CCDC68: variants seen among roughly 807,000 people sequenced by gnomAD.
The protein encoded by CCDC68 is coiled-coil domain containing 68, also known as coiled-coil domain-containing protein 68.
Under a neutral mutation model 47.1 loss-of-function variants are expected in CCDC68, and 45 were observed. That is an observed-to-expected ratio of 0.96 (90% CI 0.75 to 1.23). The LOEUF (loss-of-function observed/expected upper bound fraction) is 1.23, where lower values mean the gene tolerates loss of function less well. Ranked by LOEUF, CCDC68 falls within the 50% of genes most tolerant of loss-of-function variation. CCDC68 has a pLI of 0.00. For synonymous variants in CCDC68, 131 were observed against 129.5 expected (o/e 1.01, Z -0.08); for missense variants, 353 against 373.6 (o/e 0.94, Z 0.45).
chr18:54,932,344 C>A (rs11661608), intron 7 of CCDC68, among the ~76,000 whole-genome samples: 24 of 151,798 alleles, frequency 1.6e-4, no homozygotes, highest in Middle Eastern at 3.4e-3. Context: ...GCTACCATGC[C>A]CAGCTAATTT....
intron 7 of CCDC68, among the ~76,000 whole-genome samples, chr18:54,929,696 G>A (rs1045550491): frequency 1.3e-5 from 2 of 152,156 alleles, no homozygotes; most frequent in African/African-American, 2.4e-5. Flanking sequence ...GAGGCGTGCC[G>A]AAACCATAAT....
At chr18:54,957,352 C>T (rs559424530) in intron 1 of CCDC68, among the ~76,000 whole-genome samples, 1 of 152,182 alleles carries the variant, frequency 6.6e-6, no homozygotes, top group Admixed American at 6.5e-5. Flanking sequence ...TAGTCACTGT[C>T]GAAATTGAAT....
intron 7 of CCDC68, among the ~76,000 whole-genome samples, chr18:54,932,051 G>A (rs1019731630): frequency 1.3e-5 from 2 of 151,836 alleles, no homozygotes; most frequent in Non-Finnish European, 2.9e-5. Flanking sequence ...TCTGGCTTGC[G>A]CTCCCCACCT....
At chr18:54,957,201 C>T (rs2044726065) in intron 1 of CCDC68, among the ~76,000 whole-genome samples, 1 of 152,188 alleles carries the variant, frequency 6.6e-6, no homozygotes, top group South Asian at 2.1e-4. Context: ...AAGCCTGGAA[C>T]ACATGATTCC....
At chr18:54,938,748 G>A (rs76965136) in intron 4 of CCDC68, among the ~76,000 whole-genome samples, 3,261 of 152,368 alleles carry the variant, frequency 0.021, 123 homozygotes, top group African/African-American at 0.073. Flanking sequence ...TGCAGCAAGT[G>A]AGCGGGAGAC....
intron 1 of CCDC68, among the ~76,000 whole-genome samples, chr18:54,955,181 C>T (rs1018570161): frequency 6.6e-6 from 1 of 152,062 alleles, no homozygotes; most frequent in Admixed American, 6.5e-5. Flanking sequence ...ATTAGCTAGG[C>T]ATGGTGCCAC....
intron 8 of CCDC68, among the ~76,000 whole-genome samples, chr18:54,921,553 T>C (rs910668856): frequency 6.6e-6 from 1 of 152,050 alleles, no homozygotes; most frequent in Admixed American, 6.6e-5. Context: ...GCCTACAACA[T>C]TGGTGAGGGG....
intron 7 of CCDC68, among the ~76,000 whole-genome samples, chr18:54,934,503 CT>C (rs2044311314): frequency 6.6e-6 from 1 of 152,132 alleles, no homozygotes; most frequent in Admixed American, 6.5e-5. Flanking sequence ...ACTTTGTGAT[CT>C]TTTCCATTAT....
At position 54,914,483 on chromosome 18, in the gene CCDC68, C is replaced by A. The variant is rs115319381; in HGVS notation, c.873+3430G>T. Among the ~76,000 whole-genome samples the A allele has an allele frequency of 3.2e-4, 48 of 151,884 alleles. No homozygotes were observed. The South Asian group carries it at 8.8e-3, about 28-fold the overall frequency. On this transcript the variant is annotated intron_variant, in intron 10 of 11. Coordinates refer to ENST00000591504, the MANE Select transcript of CCDC68 (RefSeq NM_025214.3). ...AAATACAAAAATTAGTCAGGTGTGG[C>A]GGTGGGCACTTGTAATCCCATCTAT...
chr18:54,908,780 C>T (rs957005929), intron 10 of CCDC68, among the ~76,000 whole-genome samples: 8 of 152,044 alleles, frequency 5.3e-5, no homozygotes, highest in African/African-American at 9.7e-5. Flanking sequence ...TACAGTATCT[C>T]GGCTCACTTC....
At chr18:54,944,410 G>T (rs535408120) in intron 2 of CCDC68, among the ~76,000 whole-genome samples, 1 of 152,056 alleles carries the variant, frequency 6.6e-6, no homozygotes. Flanking sequence ...GAGATATCTG[G>T]TCATATCAGC....
intron 11 of CCDC68, among the ~76,000 whole-genome samples, chr18:54,905,409 A>AGAAGGAAGGGAGGAAGGAAGGAAGGAAG (rs1913938367): frequency 9.3e-6 from 1 of 107,722 alleles, no homozygotes; most frequent in African/African-American, 3.9e-5. Context: ...AAGGAAGGGA[A>AGAAGGAAGGGAGGAAGGAAGGAAGGAAG]GAAGGAAGGA....
chr18:54,927,382 T>G (rs2044164133), intron 8 of CCDC68, among the ~76,000 whole-genome samples: 1 of 152,136 alleles, frequency 6.6e-6, no homozygotes, highest in Non-Finnish European at 1.5e-5. Flanking sequence ...ATCAGGTTGG[T>G]TTTTAAAACA....
chr18:54,904,385 A>G lies in CCDC68; in HGVS notation c.981T>C (p.Tyr327=), dbSNP rs1913860271. The change falls in exon 12 of 12, where the codon TAT becomes TAC. Residue 327 remains tyrosine (Y), a synonymous_variant. Coordinates refer to ENST00000591504, the MANE Select transcript of CCDC68 (RefSeq NM_025214.3). ...SELKTEGVSP[Y]LMLIRLRK ...ATTTCCGTAACCTAATCAACATTAAATAAGGGGAAACACCTTCGGTCTTCA... is the reference window on the plus strand; with the variant it reads ...ATTTCCGTAACCTAATCAACATTAAGTAAGGGGAAACACCTTCGGTCTTCA... 2 of 1,613,708 alleles carry G rather than the reference A, an allele frequency of 1.2e-6. No homozygotes were observed. Among genetic ancestry groups the G allele is most frequent in the South Asian group, 2.2e-5 (2 of 91,064 alleles).
chr18:54,950,987 C>A (rs1356160657), intron 1 of CCDC68, among the ~76,000 whole-genome samples: 1 of 132,484 alleles, frequency 7.5e-6, no homozygotes, highest in African/African-American at 2.8e-5. Flanking sequence ...CGGCTCACTG[C>A]AAGCTCCGCC....
rs184904070 is a variant in CCDC68 at position 54,948,694 on chromosome 18, G to A, written c.-102-3217C>T. 2.9e-4 allele frequency among the ~76,000 whole-genome samples: 44 copies of A among 152,310 alleles called. No homozygotes were observed. In the East Asian group the frequency reaches 5.4e-3, roughly 19 times the overall value. ...GGGCTGAGCCAAAGACCCTAGTTTC[G>A]TAGGATTTTCAGTACAAAGGGAGAG... is the stretch of plus-strand genomic sequence containing the variant. On this transcript the variant is annotated intron_variant, in intron 1 of 11. Transcript: ENST00000591504.
chr18:54,929,506 C>A (rs76452017), intron 7 of CCDC68, among the ~76,000 whole-genome samples: 26 of 152,180 alleles, frequency 1.7e-4, no homozygotes, highest in African/African-American at 6.3e-4. Context: ...GGAAAACAGA[C>A]AAGACCATGA....
At chr18:54,935,630 C>G (rs1160708350) in intron 6 of CCDC68, among the ~76,000 whole-genome samples, 2 of 152,300 alleles carry the variant, frequency 1.3e-5, no homozygotes, top group East Asian at 3.9e-4. Flanking sequence ...TCCCCACAAG[C>G]GCCCCCATAG....
rs567922997 is a variant in CCDC68 at position 54,950,198 on chromosome 18, G to A, written c.-102-4721C>T. Reference sequence around the variant, plus strand: ...CTGAGTTTTCAGATTTTTGTTTCCTGGTTCTAAGAGATTATTTGTTCATTT... The same window carrying A: ...CTGAGTTTTCAGATTTTTGTTTCCTAGTTCTAAGAGATTATTTGTTCATTT... On this transcript the variant is annotated intron_variant, in intron 1 of 11. Coordinates refer to ENST00000591504, the MANE Select transcript of CCDC68 (RefSeq NM_025214.3). 5.3e-5 allele frequency among the ~76,000 whole-genome samples: 8 copies of A among 152,184 alleles called. No individual in the cohort carries two copies. In the East Asian group the frequency reaches 1.5e-3, roughly 29 times the overall value.
Sources: allele counts gnomAD v4.1 joint callset (sites outside exome capture counted in the v4.1 genomes callset), GRCh38; gene constraint gnomAD v4.1.1; transcripts MANE v1.5; gene names NCBI Gene and HGNC (gene_info 2026-07-23, HGNC 2026-07-21).